The following GRM1 variants were observed in gnomAD, a reference collection of about 807,000 sequenced individuals.
GRM1 encodes glutamate metabotropic receptor 1.
A neutral mutation model predicts 90.9 loss-of-function variants in GRM1; 33 were observed. That is an observed-to-expected ratio of 0.36 (90% CI 0.28 to 0.49). The LOEUF (loss-of-function observed/expected upper bound fraction) is 0.49, where lower values mean the gene tolerates loss of function less well. Among genes scored for constraint, GRM1 ranks in the 20% least tolerant of loss-of-function variants. GRM1 has a pLI of 0.99. For missense variants in GRM1, 1,190 were observed against 1,534.3 expected (o/e 0.78, Z 3.75); for synonymous variants, 700 against 613.2 (o/e 1.14, Z -2.09).
chr6:146,100,258 G>T (rs1777005993), intron 1 of GRM1, among the ~76,000 whole-genome samples: 1 of 152,094 alleles, frequency 6.6e-6, no homozygotes, highest in Non-Finnish European at 1.5e-5. Flanking sequence ...TGAGTTTACT[G>T]TGTATTGAGT....
chr6:146,406,766 G>T (rs781721369), intron 7 of GRM1, among the ~76,000 whole-genome samples: 1 of 152,062 alleles, frequency 6.6e-6, no homozygotes, highest in African/African-American at 2.4e-5. Context: ...CCTAGGAGGC[G>T]AAGGTTGCAG....
At chr6:146,129,996 G>C (rs1776334872) in intron 1 of GRM1, among the ~76,000 whole-genome samples, 2 of 151,808 alleles carry the variant, frequency 1.3e-5, no homozygotes, top group Admixed American at 1.3e-4. Context: ...TAAAATTTCA[G>C]ATGTATTGGC....
At chr6:146,338,007 G>C (rs566298344) in intron 3 of GRM1, among the ~76,000 whole-genome samples, 3 of 152,212 alleles carry the variant, frequency 2.0e-5, no homozygotes, top group African/African-American at 7.2e-5. Context: ...TTCCTGGGGG[G>C]AAATTTTCCA....
At chr6:146,108,526 C>T (rs548184510) in intron 1 of GRM1, among the ~76,000 whole-genome samples, 110 of 152,332 alleles carry the variant, frequency 7.2e-4, no homozygotes, top group Non-Finnish European at 1.1e-3. Flanking sequence ...CCACAGGGAA[C>T]TGTAAGTCCA....
At chr6:146,250,384 G>A (rs1342395440) in intron 2 of GRM1, among the ~76,000 whole-genome samples, 1 of 152,136 alleles carries the variant, frequency 6.6e-6, no homozygotes, top group East Asian at 1.9e-4. Context: ...AGATCATGGG[G>A]ACAGTTTCTC....
At chr6:146,073,616 G>A (rs1776087414) in intron 1 of GRM1, among the ~76,000 whole-genome samples, 1 of 152,110 alleles carries the variant, frequency 6.6e-6, no homozygotes, top group Non-Finnish European at 1.5e-5. Context: ...AACCCACCAA[G>A]TGTCATCAAA....
At chr6:146,205,490 G>GTTC (rs1562528227) in intron 2 of GRM1, among the ~76,000 whole-genome samples, 1 of 152,094 alleles carries the variant, frequency 6.6e-6, no homozygotes, top group African/African-American at 2.4e-5. Flanking sequence ...GTAAAGCAAC[G>GTTC]GAAATAACAT....
chr6:146,355,224 TCTAATGAATCTAAAATG>T (rs2115048473), intron 4 of GRM1, among the ~76,000 whole-genome samples: 1 of 152,258 alleles, frequency 6.6e-6, no homozygotes, highest in East Asian at 1.9e-4. Flanking sequence ...GTTCTATAGC[TCTAATGAATCTAAAATG>T]GAAAGATATC....
At chr6:146,064,641 C>A (rs1186362839) in intron 1 of GRM1, among the ~76,000 whole-genome samples, 1 of 151,184 alleles carries the variant, frequency 6.6e-6, no homozygotes, top group Non-Finnish European at 1.5e-5. Flanking sequence ...AAATAAAAAA[C>A]AAGGGGTCAG....
chr6:146,159,604 TTCTCTCTCTCTCTCTCTCTCTC>T lies in GRM1; in HGVS notation c.950+24_950+45del. ...AGTTCTCACTCATTGGAAGGTAAGTTTCTCTCTCTCTCTCTCTCTCTCTCTCTCTCTCTCTCTCACACACACA... is the reference window on the plus strand; with the variant it reads ...AGTTCTCACTCATTGGAAGGTAAGTTTCTCTCTCTCTCTCTCACACACACA... On this transcript the variant is annotated splice_region_variant and intron_variant, in intron 2 of 7. Transcript: ENST00000282753. 58 of 1,211,434 alleles carry T rather than the reference TTCTCTCTCTCTCTCTCTCTCTC, an allele frequency of 4.8e-5. 1 individual carries two copies. In the African/African-American group the frequency reaches 7.0e-4, roughly 15 times the overall value. The allele number at this position is 1,211,434 out of a possible 1,614,324, so 75.0% of individuals were successfully genotyped here. A position where few individuals can be genotyped will look rare whatever the true frequency, so the allele number is the denominator to read the frequency against.
At chr6:146,395,236 G>A (rs1293123636) in intron 6 of GRM1, among the ~76,000 whole-genome samples, 3 of 151,856 alleles carry the variant, frequency 2.0e-5, no homozygotes, top group East Asian at 1.9e-4. Context: ...TTTCTAAATT[G>A]GTAATTTTAA....
At chr6:146,401,167 A>G (rs1470915624) in intron 7 of GRM1, among the ~76,000 whole-genome samples, 1 of 152,144 alleles carries the variant, frequency 6.6e-6, no homozygotes, top group African/African-American at 2.4e-5. Flanking sequence ...TTGGGAAAAC[A>G]TATCTTTGAA....
intron 2 of GRM1, among the ~76,000 whole-genome samples, chr6:146,211,782 T>A (rs1332726037): frequency 6.6e-6 from 1 of 152,220 alleles, no homozygotes; most frequent in Non-Finnish European, 1.5e-5. Context: ...TATACAGTTC[T>A]TTTTTTGTTT....
Position 146,029,394 on chromosome 6 carries a change from T to A in GRM1, c.-124T>A, listed in dbSNP as rs1218469688. 4.9e-6 allele frequency: 4 copies of A among 809,324 alleles called. No homozygotes were observed. Among genetic ancestry groups the A allele is most frequent in the Non-Finnish European group, 6.6e-6 (3 of 457,164 alleles). 50.1% of individuals were successfully genotyped at this position (809,324 alleles called of 1,614,324 possible). On this transcript the variant is annotated 5_prime_UTR_variant, in exon 1 of 8. Coordinates refer to ENST00000282753, the MANE Select transcript of GRM1 (RefSeq NM_001278064.2). ...GGAGGCAAAGGCCTTGGACGACCAT[T>A]GTTGGCGAGGGGCACCACTCCGGGA...
chr6:146,138,727 C>CT (rs1014696037), intron 1 of GRM1, among the ~76,000 whole-genome samples: 12 of 151,304 alleles, frequency 7.9e-5, no homozygotes, highest in Non-Finnish European at 1.6e-4. Flanking sequence ...GCCTTATCTG[C>CT]TTTTTTTTAG....
chr6:146,384,922 A>T (rs1395216230), intron 5 of GRM1, among the ~76,000 whole-genome samples: 3 of 152,068 alleles, frequency 2.0e-5, no homozygotes, highest in Admixed American at 1.3e-4. Flanking sequence ...GAACTGAAAA[A>T]CATAGCAATA....
chr6:146,239,232 T>A lies in GRM1; in HGVS notation c.951-65379T>A, dbSNP rs141546648. 2.0e-5 allele frequency among the ~76,000 whole-genome samples: 3 copies of A among 152,274 alleles called. No homozygotes were observed. The East Asian group carries it at 5.8e-4, about 29-fold the overall frequency. The stretch of plus-strand genomic sequence containing the variant: ...AATTCACAGCTCAGATGGGCTGAAT[T>A]GTTTATATCCGTATGTGGATAAAAC... On this transcript the variant is annotated intron_variant, in intron 2 of 7. Coordinates refer to ENST00000282753, the MANE Select transcript of GRM1 (RefSeq NM_001278064.2).
In GRM1 at chr6:146,434,711, C is replaced by A. The variant is rs185850359; in HGVS notation, c.3500C>A (p.Ser1167Tyr). 2.7e-5 allele frequency: 43 copies of A among 1,602,572 alleles called. No homozygotes were observed. The highest frequency in any genetic ancestry group is 3.5e-5 in the Non-Finnish European group (41 of 1,179,954). ...SGSSVPSSPV[S>Y]ESVLCTPPNV... ...AGCTCGGTGCCCAGCTCCCCCGTGT[C>A]CGAGTCGGTGCTCTGCACCCCTCCC... Residue 1167 changes from serine to tyrosine, a missense_variant, in exon 8 of 8, where the codon TCC becomes TAC. Transcript: ENST00000282753.
intron 7 of GRM1, among the ~76,000 whole-genome samples, chr6:146,406,973 G>A (rs1777370767): frequency 6.6e-6 from 1 of 152,204 alleles, no homozygotes; most frequent in Non-Finnish European, 1.5e-5. Context: ...GAAAGAGTTA[G>A]AAATCCTTAG....
Sources: gnomAD v4.1 joint callset for allele counts (sites outside exome capture counted in the v4.1 genomes callset) on GRCh38, gnomAD v4.1.1 for gene constraint, MANE v1.5 for transcripts, NCBI Gene and HGNC (gene_info 2026-07-23, HGNC 2026-07-21) for gene names.